Variants in LYPD6B observed in about 807,000 individuals in gnomAD.
The protein encoded by LYPD6B is LY6/PLAUR domain containing 6B.
LYPD6B carries 17 observed loss-of-function variants against 22.8 expected under a neutral mutation model. The ratio of observed to expected loss-of-function variants is 0.75; its 90% confidence interval spans 0.51 to 1.12. The LOEUF is 1.12. Among genes scored for constraint, LYPD6B ranks in the 50% most tolerant of loss-of-function variants. The pLI is 0.00. For synonymous variants in LYPD6B, 106 were observed against 91.6 expected, an observed-to-expected ratio of 1.16 and a Z score of -0.90; for missense variants, 221 against 258.3, an observed-to-expected ratio of 0.86 and a Z score of 0.99.
At chr2:149,068,793 G>C in intron 1 of LYPD6B, 1 of 471,810 alleles carries the variant, frequency 2.1e-6, no homozygotes, top group Non-Finnish European at 4.3e-6. Flanking sequence ...TGAAACAAAG[G>C]CTCGATCATT....
intron 1 of LYPD6B, among the ~76,000 whole-genome samples, chr2:149,054,495 C>T (rs1215994371): frequency 1.3e-5 from 2 of 152,082 alleles, no homozygotes; most frequent in East Asian, 1.9e-4. Context: ...GGATAGTAGA[C>T]CCTTATTGGA....
At chr2:149,190,259 TGTGTGTGTGTGTGCACGCACGTGC>T (rs1427997751) in intron 3 of LYPD6B, among the ~76,000 whole-genome samples, 2 of 151,776 alleles carry the variant, frequency 1.3e-5, no homozygotes, top group African/African-American at 2.4e-5. Context: ...CAATAGGTAA[TGTGTGTGTGTGTGCACGCACGTGC>T]GTGTGTGTGT....
intron 3 of LYPD6B, chr2:149,161,612 G>A (rs1167072404): frequency 6.6e-6 from 1 of 152,194 alleles, no homozygotes; most frequent in African/African-American, 2.4e-5. Context: ...TTGTCTCATG[G>A]TCTTCTTCTT....
chr2:149,059,228 G>T (rs965474543), intron 1 of LYPD6B, among the ~76,000 whole-genome samples: 3 of 152,234 alleles, frequency 2.0e-5, no homozygotes, highest in Non-Finnish European at 4.4e-5. Flanking sequence ...CTACCTCTCT[G>T]TTCCCTGTCA....
intron 3 of LYPD6B, among the ~76,000 whole-genome samples, chr2:149,168,268 A>G (rs1026143849): frequency 4.6e-5 from 7 of 151,386 alleles, no homozygotes; most frequent in Non-Finnish European, 1.0e-4. Flanking sequence ...CTGGTGAGGA[A>G]GAGGAGCTGG....
chr2:149,112,153 A>G (rs2105540890), intron 1 of LYPD6B, among the ~76,000 whole-genome samples: 1 of 152,252 alleles, frequency 6.6e-6, no homozygotes, highest in South Asian at 2.1e-4. Context: ...TGTAAAGGGG[A>G]ACACAAAAAT....
chr2:149,084,328 G>A (rs1685287144), intron 1 of LYPD6B, among the ~76,000 whole-genome samples: 4 of 152,176 alleles, frequency 2.6e-5, no homozygotes, highest in Admixed American at 2.6e-4. Context: ...CCTCTGTAAA[G>A]AAGAGTTTTC....
intron 1 of LYPD6B, chr2:149,068,684 G>A (rs545304825): frequency 4.0e-4 from 220 of 550,050 alleles, no homozygotes; most frequent in Non-Finnish European, 5.8e-4. Context: ...AAAAAACTAG[G>A]TTGGCATGCA....
intron 3 of LYPD6B, among the ~76,000 whole-genome samples, chr2:149,201,878 T>G (rs1293305297): frequency 6.6e-6 from 1 of 152,194 alleles, no homozygotes; most frequent in Admixed American, 6.5e-5. Flanking sequence ...ATGTGGAAGT[T>G]TTTTGAGAGG....
intron 2 of LYPD6B, among the ~76,000 whole-genome samples, chr2:149,158,582 T>G (rs10930472): frequency 0.31 from 46,813 of 152,062 alleles, 7,937 homozygotes; most frequent in East Asian, 0.55. Flanking sequence ...ACAAAAAAGT[T>G]ATGGGAATGG....
intron 1 of LYPD6B, among the ~76,000 whole-genome samples, chr2:149,091,929 G>A (rs1685670171): frequency 6.6e-6 from 1 of 152,156 alleles, no homozygotes; most frequent in Non-Finnish European, 1.5e-5. Flanking sequence ...TTTCTGGCAA[G>A]GTGGGATGTG....
At chr2:149,185,154 C>T (rs1692005256) in intron 3 of LYPD6B, among the ~76,000 whole-genome samples, 1 of 152,122 alleles carries the variant, frequency 6.6e-6, no homozygotes, top group Non-Finnish European at 1.5e-5. Flanking sequence ...GGCACCATGC[C>T]CAACTGTTGC....
At chr2:149,181,562 A>G (rs1238169185) in intron 3 of LYPD6B, among the ~76,000 whole-genome samples, 4 of 152,174 alleles carry the variant, frequency 2.6e-5, no homozygotes, top group Non-Finnish European at 4.4e-5. Context: ...GCACAGGAGA[A>G]CACTGTATCA....
At chr2:149,183,040 A>G (rs1404942245) in intron 3 of LYPD6B, among the ~76,000 whole-genome samples, 1 of 152,244 alleles carries the variant, frequency 6.6e-6, no homozygotes, top group Non-Finnish European at 1.5e-5. Flanking sequence ...TAAGGTGAAC[A>G]TGTGATAAAT....
chr2:149,095,366 C>G (rs1685856747), intron 1 of LYPD6B, among the ~76,000 whole-genome samples: 1 of 152,100 alleles, frequency 6.6e-6, no homozygotes, highest in Non-Finnish European at 1.5e-5. Context: ...GTATGCAGTC[C>G]ATCCATTGTG....
chr2:149,101,994 T>C (rs1410208065), intron 1 of LYPD6B, among the ~76,000 whole-genome samples: 1 of 152,170 alleles, frequency 6.6e-6, no homozygotes, highest in African/African-American at 2.4e-5. Flanking sequence ...GCGGTAGAGA[T>C]ACCTTAATTA....
chr2:149,040,754 G>GTAGTCTGCAGTAGAATGTA (rs1683042619), intron 1 of LYPD6B, among the ~76,000 whole-genome samples: 1 of 152,206 alleles, frequency 6.6e-6, no homozygotes, highest in Non-Finnish European at 1.5e-5. Context: ...GCGCCTAAAG[G>GTAGTCTGCAGTAGAATGTA]TAGTCTGCAG....
intron 3 of LYPD6B, among the ~76,000 whole-genome samples, chr2:149,190,202 T>C (rs546603517): frequency 6.6e-6 from 1 of 152,328 alleles, no homozygotes; most frequent in African/African-American, 2.4e-5. Flanking sequence ...TTTCATACTG[T>C]TCCCTCTCTA....
intron 3 of LYPD6B, among the ~76,000 whole-genome samples, chr2:149,168,723 G>A (rs1308004376): frequency 5.3e-5 from 8 of 152,242 alleles, no homozygotes; most frequent in African/African-American, 1.9e-4. Context: ...CCACCAGATA[G>A]ACAATGAATG....
Sources: gnomAD v4.1 joint callset for allele counts (sites outside exome capture counted in the v4.1 genomes callset) on GRCh38, gnomAD v4.1.1 for gene constraint, MANE v1.5 for transcripts, NCBI Gene and HGNC (gene_info 2026-07-23, HGNC 2026-07-21) for gene names.